SYN2: variants seen among roughly 807,000 people sequenced by gnomAD.
SYN2 encodes the protein synapsin II, also known as synapsin-2.
SYN2 carries 19 observed loss-of-function variants against 50.9 expected under a neutral mutation model. The observed-to-expected ratio is 0.37, with a 90% CI of 0.26 to 0.55. The LOEUF is 0.55. Among genes scored for constraint, SYN2 ranks in the 20% least tolerant of loss-of-function variants. SYN2 has a pLI of 0.81. For synonymous variants in SYN2, 255 were observed against 224.9 expected (o/e 1.13, Z -1.20); for missense variants, 587 against 576.4 (o/e 1.02, Z -0.19).
chr3:12,185,914 C>T (rs913788411), intron 11 of SYN2, among the ~76,000 whole-genome samples: 4 of 152,224 alleles, frequency 2.6e-5, no homozygotes, highest in African/African-American at 9.6e-5. Context: ...GCTAATCTAT[C>T]ATCTTCACTA....
intron 1 of SYN2, among the ~76,000 whole-genome samples, chr3:12,010,412 T>C (rs1376691426): frequency 6.6e-6 from 1 of 152,224 alleles, no homozygotes; most frequent in Non-Finnish European, 1.5e-5. Flanking sequence ...GCCATGTCTA[T>C]TGGAATCGTC....
intron 1 of SYN2, among the ~76,000 whole-genome samples, chr3:12,047,217 T>C (rs1694759213): frequency 6.6e-6 from 1 of 152,160 alleles, no homozygotes; most frequent in Non-Finnish European, 1.5e-5. Flanking sequence ...CACAGGTGTT[T>C]TTGGTCTTAG....
At chr3:12,070,944 G>A (rs545623873) in intron 1 of SYN2, 34 of 552,582 alleles carry the variant, frequency 6.2e-5, no homozygotes, top group African/African-American at 4.5e-4. Flanking sequence ...CCTCCTCTCT[G>A]GAGAAGAGCT....
chr3:12,182,238 G>A (rs1406424628), intron 10 of SYN2, among the ~76,000 whole-genome samples: 1 of 152,198 alleles, frequency 6.6e-6, no homozygotes, highest in Non-Finnish European at 1.5e-5. Flanking sequence ...TGGGAGTAGG[G>A]CTGAGGGGCA....
Position 12,140,626 on chromosome 3 carries a change from T to A in SYN2, c.378-25T>A, listed in dbSNP as rs376649296. On this transcript the variant is annotated intron_variant, in intron 1 of 12. Transcript: ENST00000621198. ...TTTAAATACTTGCACAAAACTAATT[T>A]GTGTGGGTTTATTCTTTTCTCCAGG... The A allele has an allele frequency of 6.7e-6, 5 of 743,446 alleles. No individual in the cohort carries two copies. The African/African-American group carries it at 8.5e-5, about 13-fold the overall frequency. 46.1% of individuals were successfully genotyped at this position (743,446 alleles called of 1,614,324 possible).
rs377631439 is a variant in SYN2, at chr3:12,116,555, C to A, written c.378-24096C>A. Among the ~76,000 whole-genome samples the A allele has an allele frequency of 2.0e-5, 3 of 152,058 alleles. No homozygotes were observed. The East Asian group carries it at 5.8e-4, about 29-fold the overall frequency. On this transcript the variant is annotated intron_variant, in intron 1 of 12. Coordinates refer to ENST00000621198, the MANE Select transcript of SYN2 (RefSeq NM_133625.6). ...ACTTCAGTAGTTATCATTCTCACAA[C>A]CCTTTTCTAGTCATATGAGATGGGA...
At chr3:12,102,301 A>C (rs1039623702) in intron 1 of SYN2, among the ~76,000 whole-genome samples, 1 of 152,180 alleles carries the variant, frequency 6.6e-6, no homozygotes, top group African/African-American at 2.4e-5. Flanking sequence ...TAGGTCTCTT[A>C]AGAATAATAA....
rs370654343 is a variant in SYN2, at chr3:12,081,355, T to C, written c.378-59296T>C. ...GGAATGAGCTATTGTTCCAGATATTTTGTATTTCCAAAATAAAAAGGTAAC... is the reference window on the plus strand; with the variant it reads ...GGAATGAGCTATTGTTCCAGATATTCTGTATTTCCAAAATAAAAAGGTAAC... On this transcript the variant is annotated intron_variant, in intron 1 of 12. Coordinates refer to ENST00000621198, the MANE Select transcript of SYN2 (RefSeq NM_133625.6). 3.3e-5 allele frequency among the ~76,000 whole-genome samples: 5 copies of C among 152,212 alleles called. No individual in the cohort carries two copies. In the East Asian group the frequency reaches 7.7e-4, roughly 23 times the overall value.
Position 12,129,310 on chromosome 3 carries a change from T to C in SYN2, c.378-11341T>C, listed in dbSNP as rs147803109. On this transcript the variant is annotated intron_variant, in intron 1 of 12. Transcript: ENST00000621198. ...CAAAAGCCCAAGAGGACAGATAATG[T>C]TTCAGGAATACATTAAAGGCAGAGT... Among the ~76,000 whole-genome samples, 424 of 152,222 alleles carry C rather than the reference T, an allele frequency of 2.8e-3. 2 individuals carry two copies. The highest frequency in any genetic ancestry group is 9.8e-3 in the African/African-American group (407 of 41,522).
chr3:12,078,272 C>G (rs1051560764), intron 1 of SYN2, among the ~76,000 whole-genome samples: 1 of 152,138 alleles, frequency 6.6e-6, no homozygotes, highest in Non-Finnish European at 1.5e-5. Context: ...GTTGCCTGTT[C>G]ACAGTGATTA....
At chr3:12,120,806 A>G (rs1696541126) in intron 1 of SYN2, among the ~76,000 whole-genome samples, 1 of 151,966 alleles carries the variant, frequency 6.6e-6, no homozygotes, top group Non-Finnish European at 1.5e-5. Flanking sequence ...TGTCTCCTTC[A>G]TGTGTCCTAT....
intron 1 of SYN2, among the ~76,000 whole-genome samples, chr3:12,132,891 T>G (rs1051932263): frequency 1.8e-4 from 27 of 152,220 alleles, no homozygotes; most frequent in African/African-American, 6.3e-4. Flanking sequence ...CATTCCAGGT[T>G]CCTTTACCAG....
intron 1 of SYN2, among the ~76,000 whole-genome samples, chr3:12,128,590 T>A (rs1039788596): frequency 1.3e-5 from 2 of 152,188 alleles, no homozygotes; most frequent in Non-Finnish European, 2.9e-5. Context: ...TATTATCATG[T>A]GAATAAAATG....
At chr3:12,110,332 G>T (rs1287933083) in intron 1 of SYN2, among the ~76,000 whole-genome samples, 1 of 152,172 alleles carries the variant, frequency 6.6e-6, no homozygotes, top group Admixed American at 6.6e-5. Context: ...ACTTTGCAGG[G>T]GTATAGCCTT....
At chr3:12,129,604 G>GT (rs1491107352) in intron 1 of SYN2, among the ~76,000 whole-genome samples, 1 of 152,154 alleles carries the variant, frequency 6.6e-6, no homozygotes, top group Non-Finnish European at 1.5e-5. Context: ...GATTCAGGGA[G>GT]TGTGTATACC....
chr3:12,013,724 A>G (rs1226304412), intron 1 of SYN2, among the ~76,000 whole-genome samples: 1 of 152,198 alleles, frequency 6.6e-6, no homozygotes, highest in East Asian at 1.9e-4. Context: ...ACTATTTAAA[A>G]TGCAAATTTG....
chr3:12,036,556 G>A (rs1396700203), intron 1 of SYN2, among the ~76,000 whole-genome samples: 7 of 152,096 alleles, frequency 4.6e-5, no homozygotes, highest in Non-Finnish European at 7.4e-5. Context: ...AATGAAACCC[G>A]AGGCAGTAAG....
chr3:12,143,525 G>C (rs1276901201), intron 3 of SYN2, among the ~76,000 whole-genome samples: 1 of 152,056 alleles, frequency 6.6e-6, no homozygotes, highest in African/African-American at 2.4e-5. Context: ...CCACTTATAA[G>C]TGACAAATGC....
At chr3:12,075,649 A>G (rs1559409937) in intron 1 of SYN2, among the ~76,000 whole-genome samples, 1 of 152,258 alleles carries the variant, frequency 6.6e-6, no homozygotes, top group Middle Eastern at 3.4e-3. Flanking sequence ...AAGATATTCT[A>G]TTCCTCTTCC....
Sources: gnomAD v4.1 joint callset for allele counts (sites outside exome capture counted in the v4.1 genomes callset) on GRCh38, gnomAD v4.1.1 for gene constraint, MANE v1.5 for transcripts, NCBI Gene and HGNC (gene_info 2026-07-23, HGNC 2026-07-21) for gene names.